NAALADL2: variants seen among roughly 807,000 people sequenced by gnomAD.
NAALADL2 encodes the protein N-acetylated alpha-linked acidic dipeptidase like 2.
NAALADL2 carries 76 observed loss-of-function variants against 87.2 expected under a neutral mutation model. The ratio of observed to expected loss-of-function variants is 0.87; its 90% CI spans 0.72 to 1.05. The LOEUF is 1.05. Among genes scored for constraint, NAALADL2 ranks in the 50% least tolerant of loss-of-function variants. The pLI, the probability that NAALADL2 is intolerant of heterozygous loss-of-function variation, is 0.00. For missense variants in NAALADL2, 1,089 were observed against 945.8 expected, an observed-to-expected ratio of 1.15 and a Z score of -1.99; for synonymous variants, 354 against 331.0, an observed-to-expected ratio of 1.07 and a Z score of -0.75.
chr3:175,407,904 T>C (rs549947336), intron 5 of NAALADL2, among the ~76,000 whole-genome samples: 1 of 152,330 alleles, frequency 6.6e-6, no homozygotes, highest in African/African-American at 2.4e-5. Context: ...CTTAAAAAGG[T>C]ATATTAGAAA....
intron 5 of NAALADL2, among the ~76,000 whole-genome samples, chr3:175,442,303 A>G (rs956909844): frequency 6.6e-6 from 1 of 151,630 alleles, no homozygotes; most frequent in South Asian, 2.1e-4. Context: ...TATAAAGTAT[A>G]TATATATATA....
At chr3:175,360,481 G>A (rs1186067913) in intron 5 of NAALADL2, among the ~76,000 whole-genome samples, 1 of 151,726 alleles carries the variant, frequency 6.6e-6, no homozygotes, top group Non-Finnish European at 1.5e-5. Context: ...TAAATCCTAT[G>A]TATTCCCCTT....
intron 9 of NAALADL2, among the ~76,000 whole-genome samples, chr3:175,570,524 C>G (rs932904977): frequency 6.6e-6 from 1 of 152,020 alleles, no homozygotes; most frequent in African/African-American, 2.4e-5. Flanking sequence ...CCAGGAAAAC[C>G]AGTGAGATAA....
chr3:174,826,347 T>C (rs562311396), intron 3 of NAALADL2, among the ~76,000 whole-genome samples: 11 of 152,340 alleles, frequency 7.2e-5, no homozygotes, highest in African/African-American at 2.6e-4. Flanking sequence ...GGCTCTGTTA[T>C]TTGCAAGACC....
intron 12 of NAALADL2, among the ~76,000 whole-genome samples, chr3:175,739,716 A>T (rs377002967): frequency 7.9e-5 from 12 of 152,328 alleles, no homozygotes; most frequent in African/African-American, 2.9e-4. Context: ...AACAAACAAA[A>T]CAAAAACAAA....
intron 1 of NAALADL2, among the ~76,000 whole-genome samples, chr3:175,072,927 T>C (rs1324093896): frequency 6.6e-6 from 1 of 152,016 alleles, no homozygotes; most frequent in African/African-American, 2.4e-5. Context: ...ATGATTGCAA[T>C]GAAAATTTAT....
Position 175,782,557 on chromosome 3 carries a change from GT to G in NAALADL2, c.2190-20441del, listed in dbSNP as rs963800879. Among the ~76,000 whole-genome samples the G allele has an allele frequency of 1.3e-4, 19 of 143,344 alleles. No individual in the cohort carries two copies. The South Asian group carries it at 2.9e-3, about 22-fold the overall frequency. 94.0% of individuals were successfully genotyped at this position (143,344 alleles called of 152,430 possible). A position where few individuals can be genotyped will look rare whatever the true frequency, so the allele number is the denominator to read the frequency against. ...CGCCCACTTTTTGATGGGGTTGTTTGTTTTTTTCTTGTAAATTTGTTTGAGT... is the reference window on the plus strand; with the variant it reads ...CGCCCACTTTTTGATGGGGTTGTTTGTTTTTTCTTGTAAATTTGTTTGAGT... On this transcript the variant is annotated intron_variant, in intron 13 of 13. Coordinates refer to ENST00000454872, the MANE Select transcript of NAALADL2 (RefSeq NM_207015.3).
chr3:175,551,412 T>C (rs187116920), intron 9 of NAALADL2, among the ~76,000 whole-genome samples: 1 of 152,276 alleles, frequency 6.6e-6, no homozygotes, highest in Non-Finnish European at 1.5e-5. Flanking sequence ...CTCTTACTCA[T>C]GTCAATTGGA....
At position 174,769,976 on chromosome 3, in the gene NAALADL2, A is replaced by G. The variant is rs1228517298; in HGVS notation, c.-9+32230A>G. Among the ~76,000 whole-genome samples the G allele has an allele frequency of 2.2e-5, 3 of 137,618 alleles. No individual in the cohort carries two copies. In the Admixed American group the frequency reaches 2.2e-4, roughly 10 times the overall value. 90.3% of individuals were successfully genotyped at this position (137,618 alleles called of 152,430 possible). On this transcript the variant is annotated intron_variant, in intron 3 of 3. Coordinates refer to the NAALADL2 transcript ENST00000434257. Reference sequence around the variant, plus strand: ...TTATATATGCTTTTTCACAAATAATACAATATATAATATTAGATGCCCATC... The same window carrying G: ...TTATATATGCTTTTTCACAAATAATGCAATATATAATATTAGATGCCCATC...
intron 3 of NAALADL2, among the ~76,000 whole-genome samples, chr3:174,773,700 C>T (rs1488791883): frequency 6.6e-6 from 1 of 152,056 alleles, no homozygotes; most frequent in Non-Finnish European, 1.5e-5. Flanking sequence ...GAAAGCTTTC[C>T]ATCAACACTT....
At chr3:175,309,817 C>T (rs1412315647) in intron 4 of NAALADL2, among the ~76,000 whole-genome samples, 1 of 152,144 alleles carries the variant, frequency 6.6e-6, no homozygotes. Flanking sequence ...AGATATATTA[C>T]CTCCTTTGAA....
intron 13 of NAALADL2, chr3:175,775,168 T>C (rs1375444051): frequency 1.3e-5 from 2 of 151,172 alleles, no homozygotes; most frequent in Non-Finnish European, 3.0e-5. Flanking sequence ...TCTGTGATAG[T>C]GGATGGCAAA....
intron 9 of NAALADL2, among the ~76,000 whole-genome samples, chr3:175,573,215 C>T (rs550464133): frequency 4.6e-5 from 7 of 152,170 alleles, no homozygotes; most frequent in Non-Finnish European, 8.8e-5. Flanking sequence ...TAAGAGTTAA[C>T]GTATGTAAAA....
chr3:175,251,081 C>G (rs568399814), intron 3 of NAALADL2, among the ~76,000 whole-genome samples: 2 of 152,116 alleles, frequency 1.3e-5, no homozygotes, highest in African/African-American at 4.8e-5. Context: ...TGTTTGTGAT[C>G]TATGGCACTC....
intron 13 of NAALADL2, among the ~76,000 whole-genome samples, chr3:175,802,551 A>G (rs1228027013): frequency 6.8e-6 from 1 of 147,204 alleles, no homozygotes. Context: ...TTCCCCCTGC[A>G]TTATATATTG....
chr3:174,941,769 T>G (rs867909999), intron 1 of NAALADL2, among the ~76,000 whole-genome samples: 8 of 152,194 alleles, frequency 5.3e-5, no homozygotes, highest in Middle Eastern at 3.4e-3. Context: ...TTTATGTTTT[T>G]TTTTATTTTT....
chr3:175,528,728 A>G (rs1011594378), intron 9 of NAALADL2, among the ~76,000 whole-genome samples: 1 of 152,236 alleles, frequency 6.6e-6, no homozygotes, highest in Non-Finnish European at 1.5e-5. Flanking sequence ...TTCAAATACT[A>G]TTATATAAAG....
intron 4 of NAALADL2, among the ~76,000 whole-genome samples, chr3:175,271,824 C>A (rs1397244719): frequency 1.3e-5 from 2 of 152,034 alleles, no homozygotes; most frequent in Non-Finnish European, 2.9e-5. Flanking sequence ...TAAAAAGCCG[C>A]CACTTAAATT....
chr3:174,838,021 G>GAAAAAAAAAAAAAAAAAAA (rs77681462), intron 3 of NAALADL2, among the ~76,000 whole-genome samples: 5 of 71,928 alleles, frequency 7.0e-5, no homozygotes, highest in Non-Finnish European at 1.1e-4. Flanking sequence ...AACCAAAAAA[G>GAAAAAAAAAAAAAAAAAAA]AAAAAAAAAA....
Sources: allele counts gnomAD v4.1 joint callset (sites outside exome capture counted in the v4.1 genomes callset), GRCh38; gene constraint gnomAD v4.1.1; transcripts MANE v1.5; gene names NCBI Gene and HGNC (gene_info 2026-07-23, HGNC 2026-07-21).